CLRN1: variants seen among roughly 807,000 people sequenced by gnomAD.
CLRN1 encodes the protein clarin-1.
Under a neutral mutation model 18.7 loss-of-function variants are expected in CLRN1, and 15 were observed. The observed-to-expected ratio is 0.80, with a 90% CI of 0.54 to 1.23. The LOEUF (loss-of-function observed/expected upper bound fraction) is 1.23. Ranked by LOEUF, CLRN1 falls within the 50% of genes most tolerant of loss-of-function variation. The probability of loss-of-function intolerance (pLI) is 0.00; values close to 1 mark genes in which losing one functional copy is unlikely to be tolerated. For missense variants in CLRN1, 311 were observed against 277.5 expected (o/e 1.12, Z -0.86); for synonymous variants, 104 against 102.9 (o/e 1.01, Z -0.07).
Position 150,927,650 on chromosome 3 carries a change from A to ACACACACACACC in CLRN1, c.*285_*286insGGTGTGTGTGTG. 1.8e-6 allele frequency: 1 copy of ACACACACACACC among 567,068 alleles called. No homozygotes were observed. The highest frequency in any genetic ancestry group is 3.3e-6 in the Non-Finnish European group (1 of 301,582). The allele number at this position is 567,068 out of a possible 1,614,324, so 35.1% of individuals were successfully genotyped here. A position where few individuals can be genotyped will look rare whatever the true frequency, so the allele number is the denominator to read the frequency against. Reference sequence around the variant, plus strand: ...ACATCTTACACACACACACACACACACACACACACATATATATATATGGAG... The same window carrying ACACACACACACC: ...ACATCTTACACACACACACACACACACACACACACACCCACACACACATATATATATATGGAG... On this transcript the variant is annotated 3_prime_UTR_variant, in exon 3 of 3. Coordinates refer to ENST00000327047, the MANE Select transcript of CLRN1 (RefSeq NM_174878.3).
chr3:150,942,918 T>C (rs1252106554), intron 1 of CLRN1, among the ~76,000 whole-genome samples: 2 of 152,014 alleles, frequency 1.3e-5, no homozygotes, highest in Non-Finnish European at 2.9e-5. Context: ...GAAGCTTGAG[T>C]TGCCAAGAAG....
At chr3:150,937,161 T>C (rs1444421498) in intron 2 of CLRN1, among the ~76,000 whole-genome samples, 1 of 152,190 alleles carries the variant, frequency 6.6e-6, no homozygotes, top group African/African-American at 2.4e-5. Flanking sequence ...AATACTATTG[T>C]ATATTATAGC....
At chr3:150,952,998 C>G (rs756599570) in intron 1 of CLRN1, among the ~76,000 whole-genome samples, 1 of 152,288 alleles carries the variant, frequency 6.6e-6, no homozygotes, top group East Asian at 1.9e-4. Flanking sequence ...CCAGAACTCT[C>G]GTAACACCCT....
intron 1 of CLRN1, chr3:150,942,635 A>T: frequency 2.2e-6 from 1 of 454,212 alleles, no homozygotes; most frequent in Non-Finnish European, 4.4e-6. Context: ...CACAGAGCTT[A>T]TAACCTAATG....
chr3:150,968,686 A>G lies in CLRN1; in HGVS notation c.253+3770T>C, dbSNP rs771396640. ...TTTAAAAGTGACACAAGCATTGCAC[A>G]TGAAACTAACACACATACAAGTGTA... On this transcript the variant is annotated intron_variant, in intron 1 of 2. Transcript: ENST00000327047. 6.6e-5 allele frequency among the ~76,000 whole-genome samples: 10 copies of G among 152,338 alleles called. 1 individual carries two copies. The highest frequency in any genetic ancestry group is 6.2e-4 in the South Asian group (3 of 4,824).
At chr3:150,941,134 G>GTCTATCCA (rs147455281) in intron 2 of CLRN1, among the ~76,000 whole-genome samples, 1 of 131,714 alleles carries the variant, frequency 7.6e-6, no homozygotes, top group Non-Finnish European at 1.6e-5. Flanking sequence ...TTGTCTGTCT[G>GTCTATCCA]TCTGTCTATC....
At chr3:150,953,664 C>G (rs765261917) in intron 1 of CLRN1, among the ~76,000 whole-genome samples, 2 of 152,048 alleles carry the variant, frequency 1.3e-5, no homozygotes, top group Admixed American at 1.3e-4. Flanking sequence ...ATTACAAGCA[C>G]GCACCACCAA....
In CLRN1 at chr3:150,952,007, G is replaced by A. The variant is rs115504816; in HGVS notation, c.254-10246C>T. On this transcript the variant is annotated intron_variant, in intron 1 of 2. Coordinates refer to ENST00000327047, the MANE Select transcript of CLRN1 (RefSeq NM_174878.3). ...GGACGACATCCAAACTATATCATCAGCTCTGTTTGGAAGACTGTGGTAGTG... is the reference window on the plus strand; with the variant it reads ...GGACGACATCCAAACTATATCATCAACTCTGTTTGGAAGACTGTGGTAGTG... 4.3e-3 allele frequency among the ~76,000 whole-genome samples: 651 copies of A among 152,244 alleles called. 5 individuals carry two copies. Among genetic ancestry groups the A allele is most frequent in the African/African-American group, 0.015 (618 of 41,518 alleles).
At chr3:150,935,288 TC>T (rs1414303852) in intron 2 of CLRN1, among the ~76,000 whole-genome samples, 2 of 94,754 alleles carry the variant, frequency 2.1e-5, no homozygotes, top group Non-Finnish European at 4.4e-5. Context: ...ATGCTATCCC[TC>T]CCCCCTCTTC....
Position 150,928,492 on chromosome 3 carries a change from A to T in CLRN1, c.434-291T>A, listed in dbSNP as rs76208534. Among the ~76,000 whole-genome samples the T allele has an allele frequency of 0.065, 9,898 of 152,272 alleles. 374 individuals carry two copies. Among genetic ancestry groups the T allele is most frequent in the East Asian group, 0.13 (681 of 5,178 alleles). The stretch of plus-strand genomic sequence containing the variant: ...GCTGATCTTACAAAGACTGGGAGAT[A>T]TTCCTCTTTGCATGATGTGAAGGCT... On this transcript the variant is annotated intron_variant, in intron 2 of 2. Transcript: ENST00000327047.
At position 150,943,815 on chromosome 3, in the gene CLRN1, C is replaced by G. The variant is rs185457278; in HGVS notation, c.254-2054G>C. On this transcript the variant is annotated intron_variant, in intron 1 of 2. Transcript: ENST00000327047. The stretch of plus-strand genomic sequence containing the variant: ...CTGGGGCCCTGGGGTTGCAGGCACC[C>G]CTACCTGGTTGCTGCTGCAGGGCCT... 13 of 1,614,140 alleles carry G rather than the reference C, an allele frequency of 8.1e-6. No homozygotes were observed. In the African/African-American group the frequency reaches 1.7e-4, roughly 22 times the overall value.
In CLRN1 at chr3:150,941,635, G is replaced by T. The variant is rs776997657; in HGVS notation, c.380C>A (p.Pro127His). The stretch of plus-strand genomic sequence containing the variant: ...TAGGGGACCATGCAGAGTTTCAAAA[G>T]GTTTTCCAAAAGCATTGTACATGAA... ...AFFMYNAFGK[P>H]FETLHGPLGL... The change falls in exon 2 of 3, where the codon CCT becomes CAT. Residue 127 changes from proline to histidine, a missense_variant. By Grantham distance (77) the Pro-to-His change is moderately conservative. Coordinates refer to ENST00000327047, the MANE Select transcript of CLRN1 (RefSeq NM_174878.3). 1 of 1,614,018 alleles carries T rather than the reference G, an allele frequency of 6.2e-7. No individual in the cohort carries two copies. The highest frequency in any genetic ancestry group is 8.5e-7 in the Non-Finnish European group (1 of 1,179,956).
chr3:150,952,325 CCAGT>C (rs1714530927), intron 1 of CLRN1, among the ~76,000 whole-genome samples: 1 of 152,126 alleles, frequency 6.6e-6, no homozygotes, highest in African/African-American at 2.4e-5. Context: ...AGCGCAGCTC[CCAGT>C]CAGTCACAGC....
intron 1 of CLRN1, among the ~76,000 whole-genome samples, chr3:150,943,147 C>T (rs189557363): frequency 8.2e-4 from 125 of 152,206 alleles, no homozygotes; most frequent in Admixed American, 2.4e-3. Context: ...AGCTGTTATC[C>T]AGCGGTATCA....
chr3:150,968,460 T>C (rs183202141), intron 1 of CLRN1, among the ~76,000 whole-genome samples: 103 of 152,276 alleles, frequency 6.8e-4, no homozygotes, highest in South Asian at 1.0e-3. Context: ...CACTGACCCA[T>C]AAGTGGATGA....
chr3:150,934,998 T>G (rs1350735829), intron 2 of CLRN1, among the ~76,000 whole-genome samples: 1 of 152,010 alleles, frequency 6.6e-6, no homozygotes, highest in South Asian at 2.1e-4. Flanking sequence ...ACACTCATAA[T>G]CTCCCAGTTT....
At chr3:150,943,910 C>A in intron 1 of CLRN1, 1 of 1,613,038 alleles carries the variant, frequency 6.2e-7, no homozygotes. Flanking sequence ...CGTGTGCTCC[C>A]TCCTGCAAGA....
intron 1 of CLRN1, among the ~76,000 whole-genome samples, chr3:150,956,752 G>T (rs1239463537): frequency 6.6e-6 from 1 of 151,966 alleles, no homozygotes; most frequent in Non-Finnish European, 1.5e-5. Context: ...GCACAAATGG[G>T]GACCCCTTAG....
At chr3:150,954,629 T>C (rs1714650297) in intron 1 of CLRN1, among the ~76,000 whole-genome samples, 1 of 152,228 alleles carries the variant, frequency 6.6e-6, no homozygotes, top group African/African-American at 2.4e-5. Flanking sequence ...CTCCAATTTA[T>C]CAAGATTTTT....
Sources: allele counts gnomAD v4.1 joint callset (sites outside exome capture counted in the v4.1 genomes callset), GRCh38; gene constraint gnomAD v4.1.1; transcripts MANE v1.5; gene names NCBI Gene and HGNC (gene_info 2026-07-23, HGNC 2026-07-21).